STARD9: variants seen among roughly 807,000 people sequenced by gnomAD.
STARD9 encodes stAR-related lipid transfer protein 9.
In STARD9, 346 loss-of-function variants were observed where a neutral mutation model predicts 399.8. That is an observed-to-expected ratio of 0.87 (90% CI 0.79 to 0.95). The LOEUF is 0.95. Among genes scored for constraint, STARD9 ranks in the 40% least tolerant of loss-of-function variants. The pLI is 0.00. For missense variants in STARD9, 5,832 were observed against 5,667.5 expected (o/e 1.03, Z -0.93); for synonymous variants, 2,203 against 2,143.5 (o/e 1.03, Z -0.77).
Position 42,688,271 on chromosome 15 carries a change from A to G in STARD9, c.6693A>G (p.Ala2231=). ...KNNGQFVKAS[A]SLKGQPWGLG... Reference sequence around the variant, plus strand: ...ATGGCCAGTTTGTAAAAGCATCAGCAAGTCTCAAAGGGCAGCCTTGGGGCT... The same window carrying G: ...ATGGCCAGTTTGTAAAAGCATCAGCGAGTCTCAAAGGGCAGCCTTGGGGCT... The change falls in exon 23 of 33, where the codon GCA becomes GCG. Residue 2231 remains alanine (A), a synonymous_variant. Coordinates refer to ENST00000290607, the MANE Select transcript of STARD9 (RefSeq NM_020759.3). The G allele has an allele frequency of 5.2e-6, 8 of 1,537,626 alleles. No individual in the cohort carries two copies. The highest frequency in any genetic ancestry group is 2.4e-5 in the South Asian group (2 of 84,064).
At chr15:42,589,786 T>C (rs902166508) in intron 3 of STARD9, among the ~76,000 whole-genome samples, 3 of 151,564 alleles carry the variant, frequency 2.0e-5, no homozygotes, top group Non-Finnish European at 4.4e-5. Flanking sequence ...TTTTTATTTT[T>C]AGTAGAGACG....
intron 20 of STARD9, 81 bp downstream of exon 20, chr15:42,676,056 T>TG (rs1254907641): frequency 5.4e-4 from 75 of 139,084 alleles, no homozygotes; most frequent in Admixed American, 9.6e-4. Context: ...AGGGTGGGGG[T>TG]GGGGGGTGAT....
intron 16 of STARD9, chr15:42,673,222 T>G (rs1433408622): frequency 6.6e-6 from 1 of 151,626 alleles, no homozygotes; most frequent in Non-Finnish European, 1.5e-5. Context: ...GCCAACATGG[T>G]GAAACCCTGT....
chr15:42,651,539 G>A (rs1490855876), intron 8 of STARD9, among the ~76,000 whole-genome samples: 1 of 152,100 alleles, frequency 6.6e-6, no homozygotes, highest in Non-Finnish European at 1.5e-5. Flanking sequence ...AGGTGCTGTA[G>A]ATTCCCCTAA....
rs1356803774 is a variant in STARD9, at chr15:42,691,328, G to A, written c.9750G>A (p.Glu3250=). 1.3e-6 allele frequency: 2 copies of A among 1,537,098 alleles called. No individual in the cohort carries two copies. Among genetic ancestry groups the A allele is most frequent in the African/African-American group, 2.7e-5 (2 of 73,028 alleles). Residue 3250 remains glutamate (E), a synonymous_variant, in exon 23 of 33, where the codon GAG becomes GAA. Transcript: ENST00000290607. ...GTCAGATTTTAGATGCTGGGAGAGA[G>A]GAGGTGGCTGTGGCCAAGCCTCCTG... ...DGCQILDAGR[E]EVAVAKPPVS... is the part of the protein sequence containing the mutation.
rs551583997 is a variant in STARD9 at position 42,662,511 on chromosome 15, T to C, written c.771-283T>C. On this transcript the variant is annotated intron_variant, in intron 10 of 32. Transcript: ENST00000290607. ...AATATACCAAAAAGCCGTGCTAATA[T>C]CATTACTGTAAATGAGCATTACATT... 1.1e-4 allele frequency among the ~76,000 whole-genome samples: 16 copies of C among 152,318 alleles called. No individual in the cohort carries two copies. In the East Asian group the frequency reaches 2.9e-3, roughly 28 times the overall value.
intron 3 of STARD9, among the ~76,000 whole-genome samples, chr15:42,599,166 C>A (rs746163813): frequency 5.3e-5 from 8 of 152,278 alleles, no homozygotes; most frequent in Admixed American, 3.3e-4. Flanking sequence ...TCAGGTGCTC[C>A]ACCTGCCTTG....
At chr15:42,638,674 T>A in intron 6 of STARD9, 26 bp from the exon 7 acceptor site, 1 of 1,442,128 alleles carries the variant, frequency 6.9e-7, no homozygotes, top group South Asian at 1.3e-5. Flanking sequence ...AATATAATTA[T>A]GTTGCCTTTT....
chr15:42,676,510 C>T (rs781668327), intron 20 of STARD9, among the ~76,000 whole-genome samples: 9 of 152,268 alleles, frequency 5.9e-5, no homozygotes, highest in Admixed American at 1.3e-4. Flanking sequence ...ACTATAGGAA[C>T]AATATGAAAA....
In STARD9 at chr15:42,688,633, C is replaced by G; in HGVS notation, c.7055C>G (p.Ala2352Gly). The change falls in exon 23 of 33, where the codon GCT (alanine) becomes GGT (glycine). Residue 2352 changes from alanine (A) to glycine (G), a missense_variant. Around this residue, in one of 2 missense-constraint regions of STARD9, gnomAD observed 5,828 missense variants for 5,651.1 expected, o/e 1.03. Transcript: ENST00000290607. ...AGAAGGTGTCTTCATGTACCTGTTG[C>G]TCTAGGCATCTCTTCACTTGACTGT... Reference protein sequence around the residue: ...WPRRCLHVPVALGISSLDCVL... With the variant: ...WPRRCLHVPVGLGISSLDCVL... 12 of 1,537,584 alleles carry G rather than the reference C, an allele frequency of 7.8e-6. No individual in the cohort carries two copies. Among genetic ancestry groups the G allele is most frequent in the Non-Finnish European group, 1.0e-5 (12 of 1,147,000 alleles).
chr15:42,609,954 A>T (rs56102728), intron 3 of STARD9, among the ~76,000 whole-genome samples: 1 of 151,916 alleles, frequency 6.6e-6, no homozygotes, highest in African/African-American at 2.4e-5. Flanking sequence ...TTAGCTGAGC[A>T]TGGTGGTGGG....
intron 20 of STARD9, 46 bp downstream of exon 20, chr15:42,676,021 T>A: frequency 1.4e-6 from 2 of 1,418,600 alleles, no homozygotes; most frequent in Non-Finnish European, 1.9e-6. Flanking sequence ...CTGGGTTCGC[T>A]TCTTAGTCCA....
chr15:42,682,157 C>A lies in STARD9; in HGVS notation c.2119C>A (p.Gln707Lys). ...ETWLASLQQQ[Q>K]QEDQVAEKEL... Reference sequence around the variant, plus strand: ...CTGGCTGGCCAGCTTGCAACAGCAGCAGCAAGAAGACCAGGTAGCAGAGAA... The same window carrying A: ...CTGGCTGGCCAGCTTGCAACAGCAGAAGCAAGAAGACCAGGTAGCAGAGAA... Residue 707 changes from glutamine to lysine, a missense_variant, in exon 22 of 33, where the codon CAG becomes AAG. By Grantham distance (53) the Gln-to-Lys change is moderately conservative. Transcript: ENST00000290607. 2 of 1,537,264 alleles carry A rather than the reference C, an allele frequency of 1.3e-6. No homozygotes were observed. Among genetic ancestry groups the A allele is most frequent in the Non-Finnish European group, 1.7e-6 (2 of 1,146,896 alleles).
intron 10 of STARD9, 68 bp from the exon 11 acceptor site, chr15:42,662,726 T>C: frequency 9.6e-7 from 1 of 1,043,000 alleles, no homozygotes; most frequent in South Asian, 1.4e-5. Flanking sequence ...GGATAGTATT[T>C]TTCAACAGCA....
At position 42,588,249 on chromosome 15, in the gene STARD9, A is replaced by G. The variant is rs1311225816; in HGVS notation, c.234+2612A>G. Among the ~76,000 whole-genome samples the G allele has an allele frequency of 2.0e-5, 3 of 152,004 alleles. No homozygotes were observed. In the South Asian group the frequency reaches 6.2e-4, roughly 32 times the overall value. On this transcript the variant is annotated intron_variant, in intron 3 of 32. Coordinates refer to ENST00000290607, the MANE Select transcript of STARD9 (RefSeq NM_020759.3). ...GTGTCTGTGTGTGTGTATTAGTATCATTAAGCTTGAGTATGAGTTTGGTTG... is the reference window on the plus strand; with the variant it reads ...GTGTCTGTGTGTGTGTATTAGTATCGTTAAGCTTGAGTATGAGTTTGGTTG...
intron 7 of STARD9, among the ~76,000 whole-genome samples, chr15:42,644,082 A>G (rs1297545663): frequency 6.6e-6 from 1 of 152,268 alleles, no homozygotes; most frequent in Non-Finnish European, 1.5e-5. Context: ...ACCACAATAA[A>G]GTATCACAAT....
rs3742992 is a variant in STARD9, at chr15:42,691,745, C to G, written c.10167C>G (p.Arg3389=). 31,971 of 1,537,188 alleles carry G rather than the reference C, an allele frequency of 0.021. 1,331 individuals are homozygous for G. Among genetic ancestry groups the G allele is most frequent in the African/African-American group, 0.17 (12,662 of 73,118 alleles). ...ACAGCAATCAGAAAGCCTCATCTCGCTTGGATGATGGGACTACCGATCACA... is the reference window on the plus strand; with the variant it reads ...ACAGCAATCAGAAAGCCTCATCTCGGTTGGATGATGGGACTACCGATCACA... ...AEDSNQKASS[R]LDDGTTDHRH... The change falls in exon 23 of 33, where the codon CGC becomes CGG. Residue 3389 remains arginine, a synonymous_variant. Transcript: ENST00000290607.
rs973320923 is a variant in STARD9 at position 42,695,972 on chromosome 15, G to A, written c.13284+92G>A. 10 of 1,388,636 alleles carry A rather than the reference G, an allele frequency of 7.2e-6. No homozygotes were observed. The African/African-American group carries it at 1.3e-4, about 19-fold the overall frequency. 86.0% of individuals were successfully genotyped at this position (1,388,636 alleles called of 1,614,324 possible). ...GCTGTGCCTCCTGGAGTTTGGGCAA[G>A]ACGCCGTGCCTCCTGGAGGCCACTG... On this transcript the variant is annotated intron_variant, in intron 26 of 32. Transcript: ENST00000290607.
At position 42,650,958 on chromosome 15, in the gene STARD9, G is replaced by T. The variant is rs1033734927; in HGVS notation, c.560-58G>T. 6 of 1,261,590 alleles carry T rather than the reference G, an allele frequency of 4.8e-6. No individual in the cohort carries two copies. The African/African-American group carries it at 8.9e-5, about 19-fold the overall frequency. 78.1% of individuals were successfully genotyped at this position (1,261,590 alleles called of 1,614,324 possible). ...GAATGATAAAGACTTACAAGAAAAG[G>T]TTAAAGTTTACCAAAAATCTCATTT... On this transcript the variant is annotated intron_variant, in intron 7 of 32. Coordinates refer to ENST00000290607, the MANE Select transcript of STARD9 (RefSeq NM_020759.3).
Sources: gnomAD v4.1 joint callset for allele counts (sites outside exome capture counted in the v4.1 genomes callset) on GRCh38, gnomAD v4.1.1 for gene constraint, gnomAD v4.1.1 regional missense constraint, MANE v1.5 for transcripts, NCBI Gene and HGNC (gene_info 2026-07-23, HGNC 2026-07-21) for gene names.